Variants in MPPED2 observed in about 807,000 individuals in gnomAD.
MPPED2 encodes metallophosphoesterase MPPED2.
In MPPED2, 5 loss-of-function variants were observed where a neutral mutation model predicts 33.0. That is an observed-to-expected ratio of 0.15 (90% confidence interval 0.08 to 0.32). The LOEUF is 0.32. Ranked by LOEUF, MPPED2 falls within the 10% of genes least tolerant of loss-of-function variation. The pLI is 1.00. For synonymous variants in MPPED2, 136 were observed against 141.9 expected (o/e 0.96, Z 0.29); for missense variants, 275 against 372.1 (o/e 0.74, Z 2.15).
intron 4 of MPPED2, among the ~76,000 whole-genome samples, chr11:30,444,653 T>G (rs966524567): frequency 6.6e-6 from 1 of 152,188 alleles, no homozygotes; most frequent in African/African-American, 2.4e-5. Context: ...TAAAAATATT[T>G]ATTATAATCT....
chr11:30,497,056 T>C (rs1238145240), intron 3 of MPPED2, among the ~76,000 whole-genome samples: 2 of 152,184 alleles, frequency 1.3e-5, no homozygotes, highest in Admixed American at 6.5e-5. Flanking sequence ...TGGATATCTT[T>C]GACTACTAGC....
intron 4 of MPPED2, among the ~76,000 whole-genome samples, chr11:30,442,913 G>T (rs1590284535): frequency 6.6e-6 from 1 of 152,122 alleles, no homozygotes. Context: ...ACTCCTGCTT[G>T]GGCCAGGAGT....
intron 4 of MPPED2, among the ~76,000 whole-genome samples, chr11:30,456,990 A>G (rs1950306307): frequency 1.3e-5 from 2 of 152,210 alleles, no homozygotes; most frequent in South Asian, 4.1e-4. Context: ...AAAAATTAAT[A>G]CTTCATCAAG....
intron 4 of MPPED2, among the ~76,000 whole-genome samples, chr11:30,494,589 T>C (rs1952146370): frequency 4.6e-5 from 7 of 151,304 alleles, no homozygotes; most frequent in Admixed American, 4.6e-4. Flanking sequence ...AATATGAAAA[T>C]TAGCCGGGTA....
At chr11:30,469,699 T>C (rs1950868396) in intron 4 of MPPED2, among the ~76,000 whole-genome samples, 1 of 152,168 alleles carries the variant, frequency 6.6e-6, no homozygotes, top group Admixed American at 6.5e-5. Flanking sequence ...GAGTAAGCCC[T>C]CAAATGCAAT....
intron 4 of MPPED2, among the ~76,000 whole-genome samples, chr11:30,455,715 T>A (rs1950253263): frequency 6.6e-6 from 1 of 152,188 alleles, no homozygotes; most frequent in East Asian, 1.9e-4. Context: ...AGCATCCCGA[T>A]TCTCCCCTGG....
chr11:30,556,601 T>C lies in MPPED2; in HGVS notation c.129-20426A>G, dbSNP rs988258128. 3.9e-5 allele frequency among the ~76,000 whole-genome samples: 6 copies of C among 152,308 alleles called. No homozygotes were observed. In the East Asian group the frequency reaches 9.7e-4, roughly 25 times the overall value. On this transcript the variant is annotated intron_variant, in intron 2 of 6. Transcript: ENST00000358117. Reference sequence around the variant, plus strand: ...GCATGGCCTATAGATTCAGGCAAAGTTGTGTGTCATTGACAAGCTGTAAAA... The same window carrying C: ...GCATGGCCTATAGATTCAGGCAAAGCTGTGTGTCATTGACAAGCTGTAAAA...
At chr11:30,414,855 T>C (rs1277654424) in intron 5 of MPPED2, among the ~76,000 whole-genome samples, 2 of 152,224 alleles carry the variant, frequency 1.3e-5, no homozygotes, top group Non-Finnish European at 2.9e-5. Context: ...TTTGGAAAGC[T>C]AGGTTGCTCC....
chr11:30,554,372 A>G (rs1955866637), intron 2 of MPPED2, among the ~76,000 whole-genome samples: 1 of 152,196 alleles, frequency 6.6e-6, no homozygotes, highest in Non-Finnish European at 1.5e-5. Context: ...ATCCTACCAC[A>G]ACTCCAGGGA....
chr11:30,411,499 A>G lies in MPPED2; in HGVS notation c.854T>C (p.Ile285Thr), dbSNP rs1350721971. The change falls in exon 7 of 7, where the codon ATA becomes ACA. Residue 285 changes from isoleucine (I) to threonine (T), a missense_variant. Ile to Thr is a moderately conservative substitution (Grantham distance 89). Coordinates refer to ENST00000358117, the MANE Select transcript of MPPED2 (RefSeq NM_001584.3). The part of the protein sequence containing the change: ...VSFQPTNPPI[I>T]FDLPNPQGS The stretch of plus-strand genomic sequence containing the variant: ...ACCCTGTGGGTTTGGAAGGTCAAAT[A>G]TAATTGGAGGGTTGGTCGGTTGAAA... 6.2e-7 allele frequency: 1 copy of G among 1,613,940 alleles called. No homozygotes were observed. The highest frequency in any genetic ancestry group is 1.3e-5 in the African/African-American group (1 of 75,052).
At chr11:30,475,244 C>T (rs1951130919) in intron 4 of MPPED2, among the ~76,000 whole-genome samples, 1 of 152,072 alleles carries the variant, frequency 6.6e-6, no homozygotes, top group South Asian at 2.1e-4. Context: ...AAATAAGCCC[C>T]AGAAGATGAC....
At position 30,580,765 on chromosome 11, in the gene MPPED2, G is replaced by T. The variant is rs1957129867; in HGVS notation, c.-121-271C>A. 2.0e-5 allele frequency among the ~76,000 whole-genome samples: 3 copies of T among 152,196 alleles called. No individual in the cohort carries two copies. In the South Asian group the frequency reaches 6.2e-4, roughly 31 times the overall value. ...TAATTATAATTATGGCACTTAGCGT[G>T]AATTACGGAAGGGGCATATCCACCG... On this transcript the variant is annotated intron_variant, in intron 1 of 6. Transcript: ENST00000358117.
At chr11:30,403,373 CATT>C (rs956376031) in intron 6 of MPPED2, among the ~76,000 whole-genome samples, 3 of 152,162 alleles carry the variant, frequency 2.0e-5, no homozygotes, top group Non-Finnish European at 2.9e-5. Flanking sequence ...GACATAGCAT[CATT>C]GAGGTAGATA....
chr11:30,537,875 G>A (rs529102366), intron 2 of MPPED2, among the ~76,000 whole-genome samples: 55 of 152,200 alleles, frequency 3.6e-4, no homozygotes, highest in African/African-American at 1.1e-3. Context: ...CATTATAGCC[G>A]ATGTTGCTTT....
At chr11:30,543,967 T>C (rs1281540863) in intron 2 of MPPED2, among the ~76,000 whole-genome samples, 4 of 152,144 alleles carry the variant, frequency 2.6e-5, no homozygotes, top group Non-Finnish European at 5.9e-5. Context: ...TGAACTGCTG[T>C]ATCAACACTG....
At chr11:30,446,451 T>C (rs149220198) in intron 4 of MPPED2, among the ~76,000 whole-genome samples, 5 of 152,112 alleles carry the variant, frequency 3.3e-5, no homozygotes, top group African/African-American at 1.2e-4. Flanking sequence ...AGGCATGCTT[T>C]AAAATAATAA....
intron 4 of MPPED2, among the ~76,000 whole-genome samples, chr11:30,448,624 A>T (rs1949916031): frequency 6.6e-6 from 1 of 152,166 alleles, no homozygotes; most frequent in African/African-American, 2.4e-5. Flanking sequence ...AAGGCAAAGG[A>T]TTAACATTTT....
chr11:30,439,705 C>T (rs1367782692), intron 4 of MPPED2, among the ~76,000 whole-genome samples: 1 of 152,150 alleles, frequency 6.6e-6, no homozygotes, highest in Non-Finnish European at 1.5e-5. Context: ...TCCTATAGCC[C>T]AAGTAAACGA....
chr11:30,411,350 C>T lies in MPPED2; in HGVS notation c.*118G>A. Reference sequence around the variant, plus strand: ...ACAACCTCTAGCATCATTTGTGTTCCAACAATTTACAAAAAGAACTCACAG... The same window carrying T: ...ACAACCTCTAGCATCATTTGTGTTCTAACAATTTACAAAAAGAACTCACAG... On this transcript the variant is annotated 3_prime_UTR_variant, in exon 7 of 7. Transcript: ENST00000358117. 7.2e-7 allele frequency: 1 copy of T among 1,386,310 alleles called. No homozygotes were observed. The highest frequency in any genetic ancestry group is 9.4e-7 in the Non-Finnish European group (1 of 1,058,328). The allele number at this position is 1,386,310 out of a possible 1,614,324, so 85.9% of individuals were successfully genotyped here. A position where few individuals can be genotyped will look rare whatever the true frequency, so the allele number is the denominator to read the frequency against.
Sources: gnomAD v4.1 joint callset for allele counts (sites outside exome capture counted in the v4.1 genomes callset) on GRCh38, gnomAD v4.1.1 for gene constraint, MANE v1.5 for transcripts, NCBI Gene and HGNC (gene_info 2026-07-23, HGNC 2026-07-21) for gene names.